P4HA2: variants seen among roughly 807,000 people sequenced by gnomAD.
The protein encoded by P4HA2 is prolyl 4-hydroxylase subunit alpha 2.
In P4HA2, 46 loss-of-function variants were observed where a neutral mutation model predicts 76.9. That is an observed-to-expected ratio of 0.60 (90% CI 0.47 to 0.76). The LOEUF (loss-of-function observed/expected upper bound fraction) is 0.76. Among genes scored for constraint, P4HA2 ranks in the 30% least tolerant of loss-of-function variants. The pLI is 0.00. For missense variants in P4HA2, 583 were observed against 669.4 expected (o/e 0.87, Z 1.42); for synonymous variants, 243 against 254.0 (o/e 0.96, Z 0.41).
intron 11 of P4HA2, among the ~76,000 whole-genome samples, chr5:132,198,595 G>A (rs1402187337): frequency 6.6e-6 from 1 of 152,222 alleles, no homozygotes; most frequent in Non-Finnish European, 1.5e-5. Flanking sequence ...GACCTAGTGA[G>A]GCTCTTTGCT....
At position 132,194,956 on chromosome 5, in the gene P4HA2, C is replaced by T. The variant is rs1750404054; in HGVS notation, c.1501G>A (p.Ala501Thr). The change falls in exon 14 of 15, where the codon GCC becomes ACC. Residue 501 changes from alanine (A) to threonine (T), a missense_variant. Transcript: ENST00000360568. ...GEGDYRTRHA[A>T]CPVLVGCKWV... ...TTGCAGCCCACAAGCACAGGGCAGG[C>T]AGCATGTCTTGTTCGGTAGTCACCT... The T allele has an allele frequency of 6.2e-7, 1 of 1,613,364 alleles. No homozygotes were observed. Among genetic ancestry groups the T allele is most frequent in the Non-Finnish European group, 8.5e-7 (1 of 1,179,368 alleles).
At chr5:132,220,530 G>A (rs1236036938) in intron 1 of P4HA2, among the ~76,000 whole-genome samples, 1 of 152,230 alleles carries the variant, frequency 6.6e-6, no homozygotes, top group Non-Finnish European at 1.5e-5. Context: ...GTCTCCAGTT[G>A]CAGTTGCATA....
intron 8 of P4HA2, 123 bp downstream of exon 8, chr5:132,207,584 TA>T: frequency 1.4e-6 from 1 of 729,018 alleles, no homozygotes; most frequent in Non-Finnish European, 2.3e-6. Context: ...ATCCCCACGG[TA>T]GGCCCATGCT....
rs1408933634 is a variant in P4HA2 at position 132,191,507 on chromosome 5, G to A, written c.*1503C>T. ...AGCCTGGGCGACAGAGCGAGACTCC[G>A]TCTCAAAAAAAAAAAAAAAAAAAAA... On this transcript the variant is annotated 3_prime_UTR_variant, in exon 15 of 15. Coordinates refer to ENST00000360568, the MANE Select transcript of P4HA2 (RefSeq NM_001017974.2). 5.0e-5 allele frequency among the ~76,000 whole-genome samples: 6 copies of A among 119,232 alleles called. No homozygotes were observed. Among genetic ancestry groups the A allele is most frequent in the African/African-American group, 1.4e-4 (4 of 28,770 alleles). The allele number at this position is 119,232 out of a possible 152,430, so 78.2% of individuals were successfully genotyped here. A position where few individuals can be genotyped will look rare whatever the true frequency, so the allele number is the denominator to read the frequency against.
Position 132,198,339 on chromosome 5 carries a change from T to A in P4HA2, c.1347A>T (p.Leu449Phe), listed in dbSNP as rs202230111. 2 of 1,613,928 alleles carry A rather than the reference T, an allele frequency of 1.2e-6. No individual in the cohort carries two copies. Among genetic ancestry groups the A allele is most frequent in the Admixed American group, 1.7e-5 (1 of 59,998 alleles). Residue 449 changes from leucine to phenylalanine, a missense_variant, in exon 12 of 15, where the codon TTA becomes TTT. Physicochemically the swap from Leu to Phe is conservative, Grantham distance 22. Coordinates refer to ENST00000360568, the MANE Select transcript of P4HA2 (RefSeq NM_001017974.2). ...DSGLKTEGNR[L>F]ATFLNYMSDV... is the part of the protein sequence containing the mutation. The stretch of plus-strand genomic sequence containing the variant: ...TACTTACGTAGTTAAGAAACGTCGC[T>A]AACCTATTCCCCTCTGTTTTGAGGC...
chr5:132,213,321 T>C (rs990104048), intron 5 of P4HA2, among the ~76,000 whole-genome samples: 4 of 152,090 alleles, frequency 2.6e-5, no homozygotes, highest in African/African-American at 9.7e-5. Context: ...CAGGAGTATA[T>C]GGGAACCAGG....
At chr5:132,218,433 C>A in intron 2 of P4HA2, 112 bp downstream of exon 2, 1 of 705,418 alleles carries the variant, frequency 1.4e-6, no homozygotes. Context: ...CAGAACTGGC[C>A]AAAACCAGTA....
At chr5:132,221,116 A>C (rs530969216) in intron 1 of P4HA2, among the ~76,000 whole-genome samples, 288 of 152,328 alleles carry the variant, frequency 1.9e-3, no homozygotes, top group African/African-American at 6.2e-3. Context: ...GGGAAAGGCC[A>C]ACCTCCAACC....
At position 132,192,952 on chromosome 5, in the gene P4HA2, G is replaced by A. The variant is rs1233405888; in HGVS notation, c.*58C>T. 9.5e-7 allele frequency: 1 copy of A among 1,053,936 alleles called. No individual in the cohort carries two copies. Among genetic ancestry groups the A allele is most frequent in the Non-Finnish European group, 1.5e-6 (1 of 668,648 alleles). The allele number at this position is 1,053,936 out of a possible 1,614,324, so 65.3% of individuals were successfully genotyped here. ...GGAACATACAAAGGAACATACAAAG[G>A]TGTCTGTCACGTTGACATGGGCTGA... On this transcript the variant is annotated 3_prime_UTR_variant, in exon 15 of 15. Coordinates refer to ENST00000360568, the MANE Select transcript of P4HA2 (RefSeq NM_001017974.2).
intron 5 of P4HA2, among the ~76,000 whole-genome samples, chr5:132,211,328 T>G (rs1047360217): frequency 1.3e-5 from 2 of 152,282 alleles, no homozygotes; most frequent in African/African-American, 2.4e-5. Flanking sequence ...ACTATGTGTG[T>G]GGTTCCTCAG....
At chr5:132,198,988 C>T in intron 10 of P4HA2, 56 bp from the exon 11 acceptor site, 2 of 1,176,850 alleles carry the variant, frequency 1.7e-6, no homozygotes, top group Non-Finnish European at 2.6e-6. Context: ...TCTGTAGCAG[C>T]CAATCACTCT....
intron 5 of P4HA2, among the ~76,000 whole-genome samples, chr5:132,212,502 T>C (rs1000050963): frequency 3.3e-5 from 5 of 151,994 alleles, no homozygotes; most frequent in Admixed American, 2.6e-4. Context: ...TTTGCTGAGA[T>C]AGAAGGATGA....
Position 132,207,933 on chromosome 5 carries a change from C to T in P4HA2, c.904-49G>A, listed in dbSNP as rs376662928. 7 of 1,434,398 alleles carry T rather than the reference C, an allele frequency of 4.9e-6. No homozygotes were observed. In the South Asian group the frequency reaches 5.6e-5, roughly 11 times the overall value. The allele number at this position is 1,434,398 out of a possible 1,614,324, so 88.9% of individuals were successfully genotyped here. A position where few individuals can be genotyped will look rare whatever the true frequency, so the allele number is the denominator to read the frequency against. On this transcript the variant is annotated intron_variant, in intron 7 of 14. Coordinates refer to ENST00000360568, the MANE Select transcript of P4HA2 (RefSeq NM_001017974.2). Reference sequence around the variant, plus strand: ...CCTGAGCTGAGTGAGTCCTAATCCTCGGTCCCAGTCTGGCTGTCTGCAGAC... The same window carrying T: ...CCTGAGCTGAGTGAGTCCTAATCCTTGGTCCCAGTCTGGCTGTCTGCAGAC...
intron 5 of P4HA2, among the ~76,000 whole-genome samples, chr5:132,212,164 G>A (rs1439655814): frequency 6.6e-6 from 1 of 152,172 alleles, no homozygotes; most frequent in African/African-American, 2.4e-5. Context: ...AGGGAAAGCT[G>A]AGTACAATGG....
At chr5:132,200,622 G>A (rs963130854) in intron 10 of P4HA2, 2 of 152,124 alleles carry the variant, frequency 1.3e-5, no homozygotes, top group East Asian at 1.9e-4. Context: ...TCCTGGCTTC[G>A]AGCAATCCTC....
At chr5:132,215,850 TAA>T (rs539378974) in intron 4 of P4HA2, among the ~76,000 whole-genome samples, 2,866 of 81,832 alleles carry the variant, frequency 0.035, 115 homozygotes, top group East Asian at 0.077. Flanking sequence ...CCTGTCCCTT[TAA>T]AAAAAAAAAA....
chr5:132,207,934 G>A lies in P4HA2; in HGVS notation c.904-50C>T, dbSNP rs201988362. On this transcript the variant is annotated intron_variant, in intron 7 of 14. Coordinates refer to ENST00000360568, the MANE Select transcript of P4HA2 (RefSeq NM_001017974.2). ...CTGAGCTGAGTGAGTCCTAATCCTC[G>A]GTCCCAGTCTGGCTGTCTGCAGACA... The A allele has an allele frequency of 4.5e-5, 65 of 1,432,198 alleles. No homozygotes were observed. The East Asian group carries it at 9.6e-4, about 21-fold the overall frequency. 88.7% of individuals were successfully genotyped at this position (1,432,198 alleles called of 1,614,324 possible). A position where few individuals can be genotyped will look rare whatever the true frequency, so the allele number is the denominator to read the frequency against.
chr5:132,212,634 G>T (rs1266017120), intron 5 of P4HA2, among the ~76,000 whole-genome samples: 1 of 152,214 alleles, frequency 6.6e-6, no homozygotes, highest in Non-Finnish European at 1.5e-5. Context: ...CTGGTTAGAA[G>T]CTCGGGAGAC....
At chr5:132,207,925 C>T (rs1752426613) in intron 7 of P4HA2, 41 bp from the exon 8 acceptor site, 21 of 1,479,628 alleles carry the variant, frequency 1.4e-5, no homozygotes, top group Non-Finnish European at 1.9e-5. Context: ...TGAGTGAGTC[C>T]TAATCCTCGG....
Sources: allele counts gnomAD v4.1 joint callset (sites outside exome capture counted in the v4.1 genomes callset), GRCh38; gene constraint gnomAD v4.1.1; transcripts MANE v1.5; gene names NCBI Gene and HGNC (gene_info 2026-07-23, HGNC 2026-07-21).